The following KMT2A variants were observed in gnomAD, a reference collection of about 807,000 sequenced individuals.
The protein encoded by KMT2A is lysine methyltransferase 2A, also known as histone-lysine N-methyltransferase 2A.
KMT2A carries 16 observed loss-of-function variants against 345.3 expected under a neutral mutation model. The observed-to-expected ratio is 0.05, with a 90% CI of 0.03 to 0.07. KMT2A has a LOEUF of 0.07. Among genes scored for constraint, KMT2A ranks in the 10% least tolerant of loss-of-function variants. The probability of loss-of-function intolerance (pLI) is 1.00; values close to 1 mark genes in which losing one functional copy is unlikely to be tolerated. For missense variants in KMT2A, 3,272 were observed against 4,841.6 expected, an observed-to-expected ratio of 0.68 and a Z score of 9.62; for synonymous variants, 1,599 against 1,778.6, an observed-to-expected ratio of 0.90 and a Z score of 2.54.
intron 27 of KMT2A, 150 bp downstream of exon 27, chr11:118,506,796 G>A (rs1254859959): frequency 3.9e-6 from 3 of 767,740 alleles, no homozygotes; most frequent in Non-Finnish European, 6.1e-6. Context: ...TTCTCTCTGA[G>A]TGGTGATTTA....
At chr11:118,477,498 CTTTTTTTTT>C (rs11430367) in intron 4 of KMT2A, among the ~76,000 whole-genome samples, 5,593 of 56,830 alleles carry the variant, frequency 0.098, 128 homozygotes, top group Middle Eastern at 0.21. Context: ...AAGTTATTGG[CTTTTTTTTT>C]TTTTTTTTTT....
chr11:118,467,386 A>AAAAAAAT (rs1949864838), intron 1 of KMT2A, among the ~76,000 whole-genome samples: 1 of 152,138 alleles, frequency 6.6e-6, no homozygotes, highest in African/African-American at 2.4e-5. Flanking sequence ...CAAAAAAAAA[A>AAAAAAAT]AAAAAATTAT....
At position 118,515,081 on chromosome 11, in the gene KMT2A, A is replaced by G. The variant is rs1474818240; in HGVS notation, c.11146+3056A>G. Among the ~76,000 whole-genome samples the G allele has an allele frequency of 2.0e-5, 3 of 152,226 alleles. No homozygotes were observed. In the South Asian group the frequency reaches 6.2e-4, roughly 31 times the overall value. On this transcript the variant is annotated intron_variant, in intron 31 of 35. Transcript: ENST00000534358. ...TGTGCCCGGCCCATCCATGTGTCTTAAAGTGTAGCCTATAGGTGTGAATCA... is the reference window on the plus strand; with the variant it reads ...TGTGCCCGGCCCATCCATGTGTCTTGAAGTGTAGCCTATAGGTGTGAATCA...
Position 118,524,710 on chromosome 11 carries a change from GAAA to G in KMT2A, c.*2548_*2550del, listed in dbSNP as rs1233979281. 2.6e-5 allele frequency: 4 copies of G among 155,056 alleles called. No homozygotes were observed. Among genetic ancestry groups the G allele is most frequent in the Non-Finnish European group, 2.7e-5 (2 of 73,148 alleles). The allele number at this position is 155,056 out of a possible 1,614,324, so 9.6% of individuals were successfully genotyped here. ...TCCTTGTATTCCTATTTTTTTTAAA[GAAA>G]AAAAAAAAACCTTAAGCTGCATTTG... On this transcript the variant is annotated 3_prime_UTR_variant, in exon 36 of 36. Transcript: ENST00000534358.
intron 5 of KMT2A, 96 bp from the exon 6 acceptor site, chr11:118,480,078 A>G (rs1950104760): frequency 1.1e-6 from 1 of 927,392 alleles, no homozygotes. Flanking sequence ...GAACCTGAAT[A>G]CAGATTCACT....
intron 1 of KMT2A, among the ~76,000 whole-genome samples, chr11:118,444,228 A>G (rs1555026585): frequency 6.6e-6 from 1 of 152,222 alleles, no homozygotes; most frequent in African/African-American, 2.4e-5. Flanking sequence ...ATATTTACAC[A>G]TGCCCATATT....
chr11:118,501,948 T>A, intron 26 of KMT2A, 91 bp downstream of exon 26: 1 of 1,135,134 alleles, frequency 8.8e-7, no homozygotes, highest in Non-Finnish European at 1.2e-6. Flanking sequence ...TGGTGACTTT[T>A]ACTGATTGAA....
rs1555048072 is a variant in KMT2A at position 118,505,914 on chromosome 11, C to G, written c.10022C>G (p.Ser3341Cys). ...SGSVSGLASSSSVLNVVSMQT... is the reference protein window; with the variant it reads ...SGSVSGLASSCSVLNVVSMQT... ...TCTGTGTCTGGCTTGGCATCCAGTT[C>G]CTCTGTCTTGAATGTTGTATCCATG... is the stretch of plus-strand genomic sequence containing the variant. The change falls in exon 27 of 36, where the codon TCC (serine) becomes TGC (cysteine). Residue 3341 changes from serine (S) to cysteine (C), a missense_variant. By Grantham distance (112) the Ser-to-Cys change is moderately radical (BLOSUM62 -1). Around this residue, in one of 27 missense-constraint regions of KMT2A, gnomAD observed 748 missense variants for 922.2 expected, o/e 0.81. Transcript: ENST00000534358. The surrounding 1 kb of genome is among the most constrained non-coding windows in gnomAD (Gnocchi z 4.6). 16 of 1,614,070 alleles carry G rather than the reference C, an allele frequency of 9.9e-6. No homozygotes were observed. In the East Asian group the frequency reaches 3.6e-4, roughly 36 times the overall value.
rs1555046599 is a variant in KMT2A, at chr11:118,503,355, A to C, written c.7463A>C (p.Asp2488Ala). 8 of 1,614,076 alleles carry C rather than the reference A, an allele frequency of 5.0e-6. No individual in the cohort carries two copies. Among genetic ancestry groups the C allele is most frequent in the Non-Finnish European group, 6.8e-6 (8 of 1,179,990 alleles). The change falls in exon 27 of 36, where the codon GAT (aspartate) becomes GCT (alanine). Residue 2488 changes from aspartate to alanine, a missense_variant. Asp to Ala is a moderately radical substitution (Grantham distance 126, BLOSUM62 -2). Around this residue, in one of 27 missense-constraint regions of KMT2A, gnomAD observed 445 missense variants for 500.9 expected, o/e 0.89. Transcript: ENST00000534358. This position sits in a 1 kb window ranked among gnomAD's most constrained non-coding sequence, Gnocchi z 5.3. ...GQRPCNNVSS[D>A]KIGDKGLSMP... ...CGACCATGTAACAATGTTTCTTCTG[A>C]TAAGATTGGTGATAAAGGCCTTTCT... is the stretch of plus-strand genomic sequence containing the variant.
chr11:118,467,965 C>T (rs1178666539), intron 1 of KMT2A, among the ~76,000 whole-genome samples: 1 of 152,108 alleles, frequency 6.6e-6, no homozygotes, highest in African/African-American at 2.4e-5. Context: ...TTTAAATAGA[C>T]CATCTTTCTT....
rs1480988719 is a variant in KMT2A at position 118,526,698 on chromosome 11, C to A, written c.*4526C>A. The A allele has an allele frequency of 8.7e-6, 2 of 230,610 alleles. No homozygotes were observed. Among genetic ancestry groups the A allele is most frequent in the Non-Finnish European group, 1.7e-5 (2 of 116,842 alleles). The allele number at this position is 230,610 out of a possible 1,614,324, so 14.3% of individuals were successfully genotyped here. ...AAATAATAATGCTGAAAGCTCTCTACGAAAGACTGAATGTAAAAGTAAAAA... is the reference window on the plus strand; with the variant it reads ...AAATAATAATGCTGAAAGCTCTCTAAGAAAGACTGAATGTAAAAGTAAAAA... On this transcript the variant is annotated 3_prime_UTR_variant, in exon 36 of 36. Coordinates refer to ENST00000534358, the MANE Select transcript of KMT2A (RefSeq NM_001197104.2).
chr11:118,522,155 C>A lies in KMT2A; in HGVS notation c.11902C>A (p.Arg3968=), dbSNP rs1462451997. 6.2e-7 allele frequency: 1 copy of A among 1,613,928 alleles called. No homozygotes were observed. The highest frequency in any genetic ancestry group is 8.5e-7 in the Non-Finnish European group (1 of 1,179,928). The change falls in exon 36 of 36, where the codon CGG becomes AGG. Residue 3968 remains arginine, a synonymous_variant. Coordinates refer to ENST00000534358, the MANE Select transcript of KMT2A (RefSeq NM_001197104.2). This position sits in a 1 kb window ranked among gnomAD's most constrained non-coding sequence, Gnocchi z 5.4. ...LPCNCGAKKC[R]KFLN ...CTGCAACTGTGGCGCCAAGAAATGC[C>A]GGAAGTTCCTAAACTAAAGCTGCTC...
intron 1 of KMT2A, among the ~76,000 whole-genome samples, chr11:118,443,305 C>A (rs1949351276): frequency 6.6e-6 from 1 of 152,164 alleles, no homozygotes; most frequent in Non-Finnish European, 1.5e-5. Flanking sequence ...AATGACTTCC[C>A]ATAAAATGGT....
In KMT2A at chr11:118,525,983, TATG is replaced by T. The variant is rs1193814943; in HGVS notation, c.*3814_*3816del. The T allele has an allele frequency of 1.3e-4, 29 of 219,886 alleles. No homozygotes were observed. The highest frequency in any genetic ancestry group is 8.2e-5 in the Non-Finnish European group (9 of 109,724). The allele number at this position is 219,886 out of a possible 1,614,324, so 13.6% of individuals were successfully genotyped here. On this transcript the variant is annotated 3_prime_UTR_variant, in exon 36 of 36. Transcript: ENST00000534358. ...GTTTTGGTTTTCAAATAAATATAAA[TATG>T]ATATATATAGGAACTAATATAGTAA...
chr11:118,494,296 C>T lies in KMT2A; in HGVS notation c.5187C>T (p.Phe1729=), dbSNP rs2134349565. The change falls in exon 17 of 36, where the codon TTC becomes TTT. Residue 1729 remains phenylalanine, a synonymous_variant. Transcript: ENST00000534358. The surrounding 1 kb of genome is among the most constrained non-coding windows in gnomAD (Gnocchi z 5.8). ...DQGNYTSVLE[F]SDDIVKIIQA... is the part of the protein sequence containing the mutation. Reference sequence around the variant, plus strand: ...TTTGTTTTTGTATACAGTTGGAGTTCAGTGATGATATTGTGAAGATCATTC... The same window carrying T: ...TTTGTTTTTGTATACAGTTGGAGTTTAGTGATGATATTGTGAAGATCATTC... The T allele has an allele frequency of 1.9e-6, 3 of 1,568,922 alleles. No homozygotes were observed. The highest frequency in any genetic ancestry group is 2.6e-6 in the Non-Finnish European group (3 of 1,139,152).
intron 1 of KMT2A, among the ~76,000 whole-genome samples, chr11:118,440,807 T>C (rs1286823807): frequency 9.2e-5 from 14 of 151,388 alleles, no homozygotes; most frequent in African/African-American, 3.4e-4. Flanking sequence ...TTTTAATGTT[T>C]ACTGGTCATG....
chr11:118,494,380 C>G lies in KMT2A; in HGVS notation c.5271C>G (p.Val1757=), dbSNP rs1950371283. ...AAATTAAAAAAGCCAACAGCATGGTCAAGTCCTTCTTCATTCGGGTGAATG... is the reference window on the plus strand; with the variant it reads ...AAATTAAAAAAGCCAACAGCATGGTGAAGTCCTTCTTCATTCGGGTGAATG... ...QPEIKKANSM[V]KSFFIRQMER... Residue 1757 remains valine (V), a synonymous_variant, in exon 17 of 36, where the codon GTC becomes GTG. Coordinates refer to ENST00000534358, the MANE Select transcript of KMT2A (RefSeq NM_001197104.2). The surrounding 1 kb of genome is among the most constrained non-coding windows in gnomAD (Gnocchi z 5.8). 1.3e-6 allele frequency: 2 copies of G among 1,583,708 alleles called. No individual in the cohort carries two copies. Among genetic ancestry groups the G allele is most frequent in the Non-Finnish European group, 1.7e-6 (2 of 1,152,464 alleles).
At position 118,490,297 on chromosome 11, in the gene KMT2A, G is replaced by C. The variant is rs1950305020; in HGVS notation, c.4696+48G>C. ...CCAGCTTTCGGAGGTTGTACTTGGT[G>C]TTCTGGAGGTGAACTAGACTCTAGT... On this transcript the variant is annotated intron_variant, in intron 13 of 35. Transcript: ENST00000534358. The surrounding 1 kb of genome is among the most constrained non-coding windows in gnomAD (Gnocchi z 4.2). The C allele has an allele frequency of 1.3e-6, 2 of 1,507,000 alleles. No homozygotes were observed. Among genetic ancestry groups the C allele is most frequent in the Non-Finnish European group, 8.8e-7 (1 of 1,136,164 alleles). 93.4% of individuals were successfully genotyped at this position (1,507,000 alleles called of 1,614,324 possible).
Position 118,504,173 on chromosome 11 carries a change from C to G in KMT2A, c.8281C>G (p.Pro2761Ala), listed in dbSNP as rs782608868. The G allele has an allele frequency of 6.2e-7, 1 of 1,614,046 alleles. No homozygotes were observed. Among genetic ancestry groups the G allele is most frequent in the Non-Finnish European group, 8.5e-7 (1 of 1,180,004 alleles). Residue 2761 changes from proline (P) to alanine (A), a missense_variant, in exon 27 of 36, where the codon CCT (proline) becomes GCT (alanine). Physicochemically the swap from Pro to Ala is conservative, Grantham distance 27. Coordinates refer to ENST00000534358, the MANE Select transcript of KMT2A (RefSeq NM_001197104.2). This position sits in a 1 kb window ranked among gnomAD's most constrained non-coding sequence, Gnocchi z 6.4. ...NGTENLKIDR[P>A]EDAGEKEHVT... Reference sequence around the variant, plus strand: ...AACAGAGAACTTAAAGATTGATAGACCTGAAGATGCTGGGGAGAAAGAACA... The same window carrying G: ...AACAGAGAACTTAAAGATTGATAGAGCTGAAGATGCTGGGGAGAAAGAACA...
Sources: gnomAD v4.1 joint callset for allele counts (sites outside exome capture counted in the v4.1 genomes callset) on GRCh38, gnomAD v4.1.1 for gene constraint, gnomAD v4.1.1 regional missense constraint, Gnocchi (gnomAD v3.1) non-coding constraint, MANE v1.5 for transcripts, NCBI Gene and HGNC (gene_info 2026-07-23, HGNC 2026-07-21) for gene names.